FRMD6: variants seen among roughly 807,000 people sequenced by gnomAD.
The protein encoded by FRMD6 is FERM domain-containing protein 6.
A neutral mutation model predicts 73.2 loss-of-function variants in FRMD6; 37 were observed. The ratio of observed to expected loss-of-function variants is 0.51; its 90% CI spans 0.39 to 0.66. The LOEUF (loss-of-function observed/expected upper bound fraction) is 0.66. FRMD6 is among the 30% of genes least tolerant of loss of function. FRMD6 has a pLI of 0.00. For missense variants in FRMD6, 714 were observed against 780.5 expected (o/e 0.91, Z 1.02); for synonymous variants, 273 against 282.2 (o/e 0.97, Z 0.33).
In FRMD6 at chr14:51,708,144, G is replaced by A; in HGVS notation, c.625G>A (p.Ala209Thr). ...TCCAAACATGCACAAAGATCAGTTT[G>A]CACTAACAGCTTCCGAAGCTCATCT... ...HIPNMHKDQF[A>T]LTASEAHLKY... The change falls in exon 7 of 14, where the codon GCA (alanine) becomes ACA (threonine). Residue 209 changes from alanine (A) to threonine (T), a missense_variant. Ala to Thr is a moderately conservative substitution (Grantham distance 58, BLOSUM62 0). Coordinates refer to ENST00000344768, the MANE Select transcript of FRMD6 (RefSeq NM_001267046.2). 1 of 1,613,372 alleles carries A rather than the reference G, an allele frequency of 6.2e-7. No individual in the cohort carries two copies. Among genetic ancestry groups the A allele is most frequent in the Non-Finnish European group, 8.5e-7 (1 of 1,179,510 alleles).
upstream of FRMD6, among the ~76,000 whole-genome samples, chr14:51,485,402 A>G (rs975049254): frequency 2.0e-5 from 3 of 152,110 alleles, no homozygotes; most frequent in Non-Finnish European, 2.9e-5. Context: ...GCAAGACCCT[A>G]TTTGCAAATA....
At chr14:51,426,205 T>C in the FRMD6 span, among the ~76,000 whole-genome samples, 25,368 of 152,124 alleles carry the variant, frequency 0.17, 2,343 homozygotes, top group Middle Eastern at 0.25. Context: ...GTTAGTTATA[T>C]TCAAAAACCT....
At chr14:51,626,775 G>C (rs542012912) in intron 2 of FRMD6, among the ~76,000 whole-genome samples, 1 of 152,132 alleles carries the variant, frequency 6.6e-6, no homozygotes, top group Non-Finnish European at 1.5e-5. Flanking sequence ...ACCTCTTTAC[G>C]TCTTTTCTCA....
In FRMD6 at chr14:51,510,757, T is replaced by A. The variant is rs528269367; in HGVS notation, c.-210+21337T>A. Reference sequence around the variant, plus strand: ...GGAAATCTACCTGTCCCTGGGGAATTATACCTCCAAGGCTAACACCTGAAG... The same window carrying A: ...GGAAATCTACCTGTCCCTGGGGAATAATACCTCCAAGGCTAACACCTGAAG... On this transcript the variant is annotated intron_variant, in intron 1 of 14. Transcript: ENST00000356218. Among the ~76,000 whole-genome samples, 14 of 152,328 alleles carry A rather than the reference T, an allele frequency of 9.2e-5. No homozygotes were observed. The East Asian group carries it at 2.5e-3, about 27-fold the overall frequency.
chr14:51,591,665 C>T (rs1281052418), intron 2 of FRMD6, among the ~76,000 whole-genome samples: 3 of 152,204 alleles, frequency 2.0e-5, no homozygotes, highest in Non-Finnish European at 4.4e-5. Context: ...GCCTCAGCCT[C>T]CCAGTTAGCT....
the FRMD6 span, among the ~76,000 whole-genome samples, chr14:51,414,498 T>G: frequency 3.9e-5 from 6 of 152,148 alleles, no homozygotes; most frequent in Admixed American, 6.6e-5. Flanking sequence ...CCTCTGTTCT[T>G]TTCCATTGGT....
At chr14:51,716,854 CAGG>C (rs1344699107) in intron 10 of FRMD6, among the ~76,000 whole-genome samples, 1 of 152,190 alleles carries the variant, frequency 6.6e-6, no homozygotes, top group African/African-American at 2.4e-5. Context: ...GATGAAGAAG[CAGG>C]AGAACCTGTG....
intron 1 of FRMD6, among the ~76,000 whole-genome samples, chr14:51,501,315 C>G (rs1883609924): frequency 6.6e-6 from 1 of 152,128 alleles, no homozygotes; most frequent in South Asian, 2.1e-4. Flanking sequence ...ATCCCGTCAC[C>G]TAGGTATTAA....
chr14:51,459,904 T>TTTTTTTTTTTTTTTTTC, the FRMD6 span, among the ~76,000 whole-genome samples: 2 of 146,018 alleles, frequency 1.4e-5, no homozygotes, highest in African/African-American at 2.5e-5. Context: ...TTTTTTTTTT[T>TTTTTTTTTTTTTTTTTC]ACAAACTTCG....
chr14:51,719,669 CA>C (rs1384144105), intron 10 of FRMD6, among the ~76,000 whole-genome samples: 2 of 152,166 alleles, frequency 1.3e-5, no homozygotes, highest in Non-Finnish European at 2.9e-5. Flanking sequence ...TCGCAAAATA[CA>C]AAATCACATT....
chr14:51,538,265 T>A (rs1886009887), intron 1 of FRMD6, among the ~76,000 whole-genome samples: 1 of 152,188 alleles, frequency 6.6e-6, no homozygotes, highest in Non-Finnish European at 1.5e-5. Context: ...TTTTTTATTG[T>A]TGAGTTTTAA....
chr14:51,472,750 C>G, the FRMD6 span, among the ~76,000 whole-genome samples: 6 of 152,304 alleles, frequency 3.9e-5, no homozygotes, highest in Non-Finnish European at 8.8e-5. Flanking sequence ...CTGAGCAGCC[C>G]TGTTCCCCTC....
intron 1 of FRMD6, among the ~76,000 whole-genome samples, chr14:51,568,956 C>T (rs1887940051): frequency 6.6e-6 from 1 of 151,894 alleles, no homozygotes; most frequent in South Asian, 2.1e-4. Context: ...AGCAGTTCTC[C>T]TGCCTCAGCC....
intron 1 of FRMD6, among the ~76,000 whole-genome samples, chr14:51,556,977 A>G (rs1887170523): frequency 1.3e-5 from 2 of 152,218 alleles, no homozygotes; most frequent in Middle Eastern, 3.4e-3. Context: ...ACTTATCACG[A>G]TGCTTTGCAG....
chr14:51,438,167 T>C, the FRMD6 span, among the ~76,000 whole-genome samples: 1 of 152,232 alleles, frequency 6.6e-6, no homozygotes. Context: ...TGCTTTGGCA[T>C]GTTCAATTGT....
intron 1 of FRMD6, among the ~76,000 whole-genome samples, chr14:51,550,049 A>G (rs771024400): frequency 6.6e-6 from 1 of 152,160 alleles, no homozygotes; most frequent in Admixed American, 6.5e-5. Flanking sequence ...TATAGCCTTA[A>G]TGATACTTCT....
chr14:51,629,921 G>A (rs983742866), intron 2 of FRMD6, among the ~76,000 whole-genome samples: 1 of 152,072 alleles, frequency 6.6e-6, no homozygotes, highest in Admixed American at 6.6e-5. Context: ...TCTCCCAGAG[G>A]CTACTGGTTG....
chr14:51,461,160 T>TA, the FRMD6 span, among the ~76,000 whole-genome samples: 1 of 152,188 alleles, frequency 6.6e-6, no homozygotes, highest in African/African-American at 2.4e-5. Context: ...GCACACCTAT[T>TA]ACAACAAATG....
At chr14:51,463,859 T>G in the FRMD6 span, among the ~76,000 whole-genome samples, 2 of 152,216 alleles carry the variant, frequency 1.3e-5, no homozygotes, top group Non-Finnish European at 2.9e-5. Flanking sequence ...ACTCCATTGC[T>G]CAGGCTGGAG....
Sources: allele counts gnomAD v4.1 joint callset (sites outside exome capture counted in the v4.1 genomes callset), GRCh38; gene constraint gnomAD v4.1.1; transcripts MANE v1.5; gene names NCBI Gene and HGNC (gene_info 2026-07-23, HGNC 2026-07-21).